OLFM3: variants seen among roughly 807,000 people sequenced by gnomAD.
The protein encoded by OLFM3 is olfactomedin 3.
OLFM3 carries 20 observed loss-of-function variants against 48.6 expected under a neutral mutation model. The observed-to-expected ratio is 0.41, with a 90% confidence interval of 0.29 to 0.60. OLFM3 has a LOEUF of 0.60. Among genes scored for constraint, OLFM3 ranks in the 20% least tolerant of loss-of-function variants. The probability of loss-of-function intolerance (pLI) is 0.28; values close to 1 mark genes in which losing one functional copy is unlikely to be tolerated. For missense variants in OLFM3, 437 were observed against 544.3 expected (o/e 0.80, Z 1.96); for synonymous variants, 222 against 198.1 (o/e 1.12, Z -1.01).
intron 1 of OLFM3, among the ~76,000 whole-genome samples, chr1:101,902,867 T>C (rs923916684): frequency 2.0e-5 from 3 of 152,192 alleles, no homozygotes; most frequent in African/African-American, 7.2e-5. Context: ...TTCAAGGCTG[T>C]CTGTGAGAGT....
At chr1:101,885,972 A>C (rs767121402) in intron 1 of OLFM3, among the ~76,000 whole-genome samples, 1 of 152,130 alleles carries the variant, frequency 6.6e-6, no homozygotes, top group Non-Finnish European at 1.5e-5. Flanking sequence ...TCCAGTGTAC[A>C]TGTATAGATA....
chr1:101,815,246 A>G (rs1024819450), intron 4 of OLFM3, among the ~76,000 whole-genome samples: 6 of 152,060 alleles, frequency 3.9e-5, no homozygotes, highest in Non-Finnish European at 7.4e-5. Flanking sequence ...GGAGATCGAG[A>G]CCATCCTGGC....
At chr1:101,885,985 A>G (rs1355302823) in intron 1 of OLFM3, among the ~76,000 whole-genome samples, 2 of 152,142 alleles carry the variant, frequency 1.3e-5, no homozygotes, top group East Asian at 3.9e-4. Context: ...TATAGATATT[A>G]GTGACAAAGG....
At chr1:101,938,297 G>A (rs1192887504) in intron 1 of OLFM3, among the ~76,000 whole-genome samples, 2 of 152,044 alleles carry the variant, frequency 1.3e-5, no homozygotes, top group African/African-American at 4.8e-5. Flanking sequence ...GGCAACCCTA[G>A]CACAATCCAT....
chr1:101,841,903 T>C (rs1338150919), intron 1 of OLFM3, among the ~76,000 whole-genome samples: 1 of 152,116 alleles, frequency 6.6e-6, no homozygotes, highest in Non-Finnish European at 1.5e-5. Flanking sequence ...GATACCTGAG[T>C]GATGAAAAAT....
intron 4 of OLFM3, among the ~76,000 whole-genome samples, chr1:101,814,312 T>A (rs1216439334): frequency 6.6e-6 from 1 of 151,932 alleles, no homozygotes. Flanking sequence ...ATACTAGAGT[T>A]AACAATAATG....
intron 1 of OLFM3, among the ~76,000 whole-genome samples, chr1:101,888,044 A>G (rs1390817835): frequency 9.2e-5 from 14 of 152,098 alleles, no homozygotes; most frequent in Admixed American, 9.2e-4. Flanking sequence ...TTAAATGTGA[A>G]GTAATTATGG....
At chr1:101,883,916 G>T (rs1657637105) in intron 1 of OLFM3, among the ~76,000 whole-genome samples, 1 of 151,132 alleles carries the variant, frequency 6.6e-6, no homozygotes, top group African/African-American at 2.4e-5. Flanking sequence ...CCTTACAAAT[G>T]GAAATAAAAA....
chr1:101,891,221 T>G (rs1657981498), intron 1 of OLFM3, among the ~76,000 whole-genome samples: 1 of 152,010 alleles, frequency 6.6e-6, no homozygotes, highest in African/African-American at 2.4e-5. Flanking sequence ...TTTGCACTAG[T>G]TAATCCATCC....
intron 1 of OLFM3, among the ~76,000 whole-genome samples, chr1:101,952,712 C>T (rs968504242): frequency 5.9e-5 from 9 of 152,058 alleles, no homozygotes; most frequent in Non-Finnish European, 1.3e-4. Flanking sequence ...CAACCACTTA[C>T]CAATGAGCAT....
chr1:101,847,507 A>T (rs1470958657), intron 1 of OLFM3, among the ~76,000 whole-genome samples: 1 of 149,660 alleles, frequency 6.7e-6, no homozygotes, highest in African/African-American at 2.5e-5. Context: ...TTTCCAGATG[A>T]TCATATTGAG....
chr1:101,993,628 C>T (rs1210684991), intron 1 of OLFM3, among the ~76,000 whole-genome samples: 1 of 151,972 alleles, frequency 6.6e-6, no homozygotes, highest in Admixed American at 6.6e-5. Flanking sequence ...ACTAATTATA[C>T]TTTAATTAAT....
intron 4 of OLFM3, among the ~76,000 whole-genome samples, chr1:101,823,399 G>A (rs1215789622): frequency 6.6e-6 from 1 of 152,024 alleles, no homozygotes; most frequent in Non-Finnish European, 1.5e-5. Context: ...GCAGGTGAAA[G>A]TGCGTTGATG....
chr1:101,911,048 T>C (rs959234790), intron 1 of OLFM3, among the ~76,000 whole-genome samples: 1 of 152,190 alleles, frequency 6.6e-6, no homozygotes, highest in African/African-American at 2.4e-5. Flanking sequence ...AGTGACTCAA[T>C]GGTAATATTT....
intron 1 of OLFM3, among the ~76,000 whole-genome samples, chr1:101,969,551 C>A (rs1308569257): frequency 6.6e-6 from 1 of 152,118 alleles, no homozygotes; most frequent in East Asian, 1.9e-4. Context: ...AGTACATAGA[C>A]TTTTTCCTCT....
intron 1 of OLFM3, among the ~76,000 whole-genome samples, chr1:101,987,828 G>A (rs1222891279): frequency 6.6e-6 from 1 of 152,032 alleles, no homozygotes; most frequent in East Asian, 1.9e-4. Context: ...TTATATAGAT[G>A]TCTGTTTATT....
intron 2 of OLFM3, among the ~76,000 whole-genome samples, chr1:101,835,757 G>A (rs544235451): frequency 1.4e-3 from 217 of 152,226 alleles, no homozygotes; most frequent in African/African-American, 4.8e-3. Flanking sequence ...AAGAAGAAAG[G>A]GCCAATAGGT....
rs566629297 is a variant in OLFM3, at chr1:101,830,669, T to C, written c.372+3A>G. 5.0e-6 allele frequency: 8 copies of C among 1,614,150 alleles called. No individual in the cohort carries two copies. The East Asian group carries it at 1.8e-4, about 36-fold the overall frequency. ...TTGACAAGATTGCAGAAGTCAAACC[T>C]ACCTGAAAATGCTTGGTCATAAGTG... On this transcript the variant is annotated splice_donor_region_variant and intron_variant, in intron 3 of 5. Transcript: ENST00000370103.
Position 101,926,768 on chromosome 1 carries a change from T to C in OLFM3, c.69+69980A>G, listed in dbSNP as rs576204012. Among the ~76,000 whole-genome samples, 7 of 152,298 alleles carry C rather than the reference T, an allele frequency of 4.6e-5. No homozygotes were observed. The South Asian group carries it at 8.3e-4, about 18-fold the overall frequency. ...CTATTACGATGAATTATAAAACTAG[T>C]TGTTTACACTTCACAATAGGGTAGA... On this transcript the variant is annotated intron_variant, in intron 1 of 5. Coordinates refer to ENST00000370103, the MANE Select transcript of OLFM3 (RefSeq NM_058170.4).
Sources: gnomAD v4.1 joint callset for allele counts (sites outside exome capture counted in the v4.1 genomes callset) on GRCh38, gnomAD v4.1.1 for gene constraint, MANE v1.5 for transcripts, NCBI Gene and HGNC (gene_info 2026-07-23, HGNC 2026-07-21) for gene names.